Variants in NCAM1 observed in about 807,000 individuals in gnomAD.
NCAM1 encodes antigen recognized by monoclonal antibody 5.1H11.
A neutral mutation model predicts 109.8 loss-of-function variants in NCAM1; 14 were observed. That is an observed-to-expected ratio of 0.13 (90% CI 0.08 to 0.20). NCAM1 has a LOEUF of 0.20. Among genes scored for constraint, NCAM1 ranks in the 10% least tolerant of loss-of-function variants. The pLI, the probability that NCAM1 is intolerant of heterozygous loss-of-function variation, is 1.00. For missense variants in NCAM1, 774 were observed against 1,109.9 expected (o/e 0.70, Z 4.30); for synonymous variants, 418 against 442.9 (o/e 0.94, Z 0.70).
In NCAM1 at chr11:112,977,716, C is replaced by T. The variant is rs146976917; in HGVS notation, c.52+16052C>T. ...ACAGCGCTTGGTGTTATTGTGTAAT[C>T]TTCTGTTTAAAAATAAACAGTGGAA... On this transcript the variant is annotated intron_variant, in intron 1 of 19. Transcript: ENST00000316851. Among the ~76,000 whole-genome samples the T allele has an allele frequency of 8.5e-3, 1,289 of 151,938 alleles. 20 individuals are homozygous for T. Among genetic ancestry groups the T allele is most frequent in the Middle Eastern group, 0.01 (3 of 294 alleles).
At chr11:113,100,038 T>C (rs1208308993) in intron 1 of NCAM1, among the ~76,000 whole-genome samples, 1 of 152,190 alleles carries the variant, frequency 6.6e-6, no homozygotes, top group Non-Finnish European at 1.5e-5. Context: ...GTCCTGGTCA[T>C]GGAAAAATCC....
chr11:113,232,708 C>G lies in NCAM1; in HGVS notation c.1426-10C>G, dbSNP rs1555117538. 1.9e-6 allele frequency: 3 copies of G among 1,604,592 alleles called. No homozygotes were observed. The East Asian group carries it at 6.7e-5, about 36-fold the overall frequency. ...GACACTTGTAACCCAATAGCTTCTT[C>G]CTTCTAAAGGTGACCCCAGACTCTG... On this transcript the variant is annotated splice_polypyrimidine_tract_variant and intron_variant, in intron 11 of 19. Transcript: ENST00000316851.
chr11:113,171,933 T>C (rs1245208531), intron 1 of NCAM1, among the ~76,000 whole-genome samples: 2 of 152,098 alleles, frequency 1.3e-5, no homozygotes, highest in Non-Finnish European at 2.9e-5. Context: ...GGCATTCTTA[T>C]GAAAAGGGAA....
Position 113,275,253 on chromosome 11 carries a change from C to T in NCAM1, c.2457-14C>T. On this transcript the variant is annotated splice_polypyrimidine_tract_variant and intron_variant, in intron 19 of 19. Transcript: ENST00000316851. Reference sequence around the variant, plus strand: ...CCGTGGTCTCAGTGGTTCTGTTTTCCTGATTCTCTGCAGGAAGGGCCCCGT... The same window carrying T: ...CCGTGGTCTCAGTGGTTCTGTTTTCTTGATTCTCTGCAGGAAGGGCCCCGT... 6.2e-7 allele frequency: 1 copy of T among 1,613,380 alleles called. No homozygotes were observed. The highest frequency in any genetic ancestry group is 8.5e-7 in the Non-Finnish European group (1 of 1,179,694).
chr11:113,126,834 G>T (rs1297086493), intron 1 of NCAM1, among the ~76,000 whole-genome samples: 1 of 152,166 alleles, frequency 6.6e-6, no homozygotes, highest in African/African-American at 2.4e-5. Context: ...CCACTTTACA[G>T]GCCAGACTTA....
rs145897838 is a variant in NCAM1, at chr11:113,134,347, A to G, written c.53-68032A>G. On this transcript the variant is annotated intron_variant, in intron 1 of 19. Coordinates refer to ENST00000316851, the MANE Select transcript of NCAM1 (RefSeq NM_181351.5). ...GTTTTTTAAGTCTGAATAATATTTCATTGTAGATATAGACCACATTTTGTT... is the reference window on the plus strand; with the variant it reads ...GTTTTTTAAGTCTGAATAATATTTCGTTGTAGATATAGACCACATTTTGTT... 1.2e-4 allele frequency among the ~76,000 whole-genome samples: 19 copies of G among 152,166 alleles called. No homozygotes were observed. The East Asian group carries it at 3.7e-3, about 29-fold the overall frequency.
chr11:113,130,971 A>G (rs565780369), intron 1 of NCAM1, among the ~76,000 whole-genome samples: 1 of 152,298 alleles, frequency 6.6e-6, no homozygotes, highest in Non-Finnish European at 1.5e-5. Flanking sequence ...ACTATGAGGA[A>G]AACTACTAGA....
At chr11:113,271,327 G>A (rs1459513720) in intron 18 of NCAM1, among the ~76,000 whole-genome samples, 1 of 120,600 alleles carries the variant, frequency 8.3e-6, no homozygotes, top group East Asian at 2.8e-4. Context: ...CCAAGATCAC[G>A]CCACTGCACT....
chr11:113,079,063 C>G (rs1439127611), intron 1 of NCAM1, among the ~76,000 whole-genome samples: 1 of 152,070 alleles, frequency 6.6e-6, no homozygotes, highest in East Asian at 1.9e-4. Flanking sequence ...TGCAGAGGCA[C>G]CATGATGGAG....
At chr11:112,973,185 T>C (rs149284646) in intron 1 of NCAM1, among the ~76,000 whole-genome samples, 1 of 152,152 alleles carries the variant, frequency 6.6e-6, no homozygotes, top group Admixed American at 6.5e-5. Flanking sequence ...TGTCACAAAT[T>C]GGATGTGCTG....
intron 15 of NCAM1, among the ~76,000 whole-genome samples, chr11:113,255,632 T>A (rs912714534): frequency 3.4e-4 from 44 of 131,032 alleles, no homozygotes; most frequent in Non-Finnish European, 2.6e-4. Context: ...ATTCCTAAAA[T>A]GGTGAAAGGA....
chr11:113,211,270 C>A (rs1226897530), intron 7 of NCAM1, among the ~76,000 whole-genome samples: 2 of 152,102 alleles, frequency 1.3e-5, no homozygotes, highest in East Asian at 3.9e-4. Flanking sequence ...GAGTCTACAG[C>A]AGTGAGGTAG....
chr11:113,106,921 A>T (rs1940199693), intron 1 of NCAM1, among the ~76,000 whole-genome samples: 1 of 152,242 alleles, frequency 6.6e-6, no homozygotes, highest in South Asian at 2.1e-4. Context: ...CACAGTCAAC[A>T]GTTGCTTGTG....
chr11:113,000,676 G>A (rs1013407226), intron 1 of NCAM1, among the ~76,000 whole-genome samples: 2 of 151,776 alleles, frequency 1.3e-5, no homozygotes, highest in Non-Finnish European at 2.9e-5. Flanking sequence ...ATGGATCTTT[G>A]GGTGTTCTGT....
At chr11:113,135,114 T>C (rs1471583010) in intron 1 of NCAM1, among the ~76,000 whole-genome samples, 3 of 151,988 alleles carry the variant, frequency 2.0e-5, no homozygotes, top group African/African-American at 7.3e-5. Flanking sequence ...GTGGAAAGGG[T>C]GGGAGCTAAG....
At chr11:113,106,031 T>C (rs1379203075) in intron 1 of NCAM1, among the ~76,000 whole-genome samples, 2 of 152,190 alleles carry the variant, frequency 1.3e-5, no homozygotes, top group Admixed American at 6.5e-5. Context: ...TTGTGACATA[T>C]ATTTTAAAAT....
At chr11:113,102,300 G>A (rs1392299683) in intron 1 of NCAM1, among the ~76,000 whole-genome samples, 1 of 152,174 alleles carries the variant, frequency 6.6e-6, no homozygotes, top group Non-Finnish European at 1.5e-5. Flanking sequence ...GGACACACCT[G>A]TGCACAAATG....
At chr11:113,162,098 T>A (rs549095954) in intron 1 of NCAM1, among the ~76,000 whole-genome samples, 9 of 152,210 alleles carry the variant, frequency 5.9e-5, no homozygotes, top group African/African-American at 1.9e-4. Flanking sequence ...TATTTCTGTA[T>A]AATCTGTAAT....
chr11:113,046,847 T>G (rs1953285618), intron 1 of NCAM1, among the ~76,000 whole-genome samples: 1 of 146,118 alleles, frequency 6.8e-6, no homozygotes, highest in South Asian at 2.2e-4. Flanking sequence ...AGGACATAGA[T>G]GGACAGACAG....
Sources: gnomAD v4.1 joint callset for allele counts (sites outside exome capture counted in the v4.1 genomes callset) on GRCh38, gnomAD v4.1.1 for gene constraint, MANE v1.5 for transcripts, NCBI Gene and HGNC (gene_info 2026-07-23, HGNC 2026-07-21) for gene names.